PTPRN2: variants seen among roughly 807,000 people sequenced by gnomAD.
PTPRN2 encodes receptor-type tyrosine-protein phosphatase N2.
Under a neutral mutation model 118.8 loss-of-function variants are expected in PTPRN2, and 74 were observed. That is an observed-to-expected ratio of 0.62 (90% CI 0.52 to 0.76). The LOEUF (loss-of-function observed/expected upper bound fraction) is 0.76. PTPRN2 is among the 30% of genes least tolerant of loss of function. The pLI is 0.00. For synonymous variants in PTPRN2, 641 were observed against 608.0 expected (o/e 1.05, Z -0.80); for missense variants, 1,481 against 1,394.4 (o/e 1.06, Z -0.99).
chr7:158,268,571 A>AGC (rs1798058775), intron 3 of PTPRN2, among the ~76,000 whole-genome samples: 1 of 135,834 alleles, frequency 7.4e-6, no homozygotes, highest in African/African-American at 2.9e-5. Context: ...TCCCAGCCGC[A>AGC]CGCACACAGG....
chr7:158,262,507 T>C (rs1797507603), intron 3 of PTPRN2, among the ~76,000 whole-genome samples: 1 of 25,026 alleles, frequency 4.0e-5, no homozygotes, highest in Non-Finnish European at 9.8e-5. Context: ...GCACACACAC[T>C]GCACACACAT....
At chr7:157,678,656 G>A (rs1005256243) in intron 13 of PTPRN2, among the ~76,000 whole-genome samples, 6 of 152,126 alleles carry the variant, frequency 3.9e-5, no homozygotes, top group South Asian at 2.1e-4. Flanking sequence ...GCACTTAGCC[G>A]CTGTGTTTAC....
At chr7:157,725,351 ACACAGAGGAG>A (rs1360763380) in intron 12 of PTPRN2, among the ~76,000 whole-genome samples, 1 of 50,770 alleles carries the variant, frequency 2.0e-5, no homozygotes, top group African/African-American at 9.4e-5. Context: ...GGATATCTAC[ACACAGAGGAG>A]TGTGGCCAGA....
At chr7:158,392,869 C>G (rs4909206) in intron 2 of PTPRN2, among the ~76,000 whole-genome samples, 114,614 of 152,104 alleles carry the variant, frequency 0.75, 43,309 homozygotes, top group South Asian at 0.86. Flanking sequence ...GGCAGCCCCT[C>G]TCGGTAGAAT....
chr7:157,653,677 C>T (rs577910730), intron 14 of PTPRN2, among the ~76,000 whole-genome samples: 44 of 152,182 alleles, frequency 2.9e-4, no homozygotes, highest in Admixed American at 1.9e-3. Context: ...TGAGAGGGCA[C>T]GGGAATGCAC....
chr7:158,138,648 A>G, intron 6 of PTPRN2, 133 bp from the exon 7 acceptor site: 1 of 729,140 alleles, frequency 1.4e-6, no homozygotes, highest in South Asian at 1.8e-5. Flanking sequence ...GGCGCAGGCC[A>G]GTGCTCAGAG....
At chr7:157,835,224 G>A (rs572475126) in intron 12 of PTPRN2, among the ~76,000 whole-genome samples, 3 of 152,202 alleles carry the variant, frequency 2.0e-5, no homozygotes, top group East Asian at 3.9e-4. Flanking sequence ...CCTTTCCAAC[G>A]AAGATGCAAG....
intron 12 of PTPRN2, among the ~76,000 whole-genome samples, chr7:157,867,266 C>T (rs1430331144): frequency 1.7e-4 from 5 of 29,984 alleles, no homozygotes; most frequent in African/African-American, 2.1e-4. Context: ...CCGTCCCTGA[C>T]GCCCTGGATA....
At chr7:157,783,866 T>C (rs1010580261) in intron 12 of PTPRN2, among the ~76,000 whole-genome samples, 2 of 152,242 alleles carry the variant, frequency 1.3e-5, no homozygotes, top group South Asian at 4.2e-4. Flanking sequence ...TGCCCTGTTT[T>C]CATTCAAGAA....
rs545328377 is a variant in PTPRN2, at chr7:157,840,374, CTG to C, written c.1788+58297_1788+58298del. 9.3e-4 allele frequency among the ~76,000 whole-genome samples: 124 copies of C among 133,976 alleles called. 1 individual carries two copies. The highest frequency in any genetic ancestry group is 3.5e-3 in the African/African-American group (118 of 33,436). 87.9% of individuals were successfully genotyped at this position (133,976 alleles called of 152,430 possible). On this transcript the variant is annotated intron_variant, in intron 12 of 22. Transcript: ENST00000389418. ...CGTGTGACTGTGTGGCCGCGTGTGA[CTG>C]TGTGACCGCGTGTGACTGTGTGACC... is the stretch of plus-strand genomic sequence containing the variant.
At chr7:158,006,390 C>G (rs745699794) in intron 11 of PTPRN2, among the ~76,000 whole-genome samples, 2 of 152,216 alleles carry the variant, frequency 1.3e-5, no homozygotes, top group Non-Finnish European at 2.9e-5. Context: ...GGCCCTGGAG[C>G]CTTCTTTTGG....
At chr7:158,072,312 C>T (rs1812005505) in intron 11 of PTPRN2, among the ~76,000 whole-genome samples, 1 of 152,130 alleles carries the variant, frequency 6.6e-6, no homozygotes, top group South Asian at 2.1e-4. Context: ...GATTACAGGG[C>T]CAGGGGACTC....
intron 11 of PTPRN2, among the ~76,000 whole-genome samples, chr7:157,966,763 C>T (rs1801967879): frequency 6.6e-6 from 1 of 151,724 alleles, no homozygotes; most frequent in South Asian, 2.1e-4. Context: ...CCATTATCAC[C>T]ATCACAATGA....
intron 10 of PTPRN2, among the ~76,000 whole-genome samples, chr7:158,096,206 G>A (rs749544724): frequency 3.9e-5 from 6 of 152,248 alleles, no homozygotes; most frequent in East Asian, 3.9e-4. Flanking sequence ...CCTCACAGCC[G>A]TATACATAAT....
Position 157,632,473 on chromosome 7 carries a change from A to G in PTPRN2, c.2197-10964T>C, listed in dbSNP as rs1804019841. On this transcript the variant is annotated intron_variant, in intron 14 of 22. Transcript: ENST00000389418. The surrounding 1 kb of genome is among the most constrained non-coding windows in gnomAD (Gnocchi z 4.3). ...TGTTCTAATTAATAAACTTAAAAAG[A>G]TAAGTAATTTTTTCCTTACCACCTA... is the stretch of plus-strand genomic sequence containing the variant. Among the ~76,000 whole-genome samples, 1 of 152,264 alleles carries G rather than the reference A, an allele frequency of 6.6e-6. No homozygotes were observed. Among genetic ancestry groups the G allele is most frequent in the African/African-American group, 2.4e-5 (1 of 41,470 alleles).
At chr7:157,817,110 G>A (rs1318033035) in intron 12 of PTPRN2, among the ~76,000 whole-genome samples, 4 of 152,300 alleles carry the variant, frequency 2.6e-5, no homozygotes, top group South Asian at 2.1e-4. Context: ...GCTGTGTTCC[G>A]GGGGCGCCGC....
chr7:158,399,861 G>C (rs1443959848), intron 2 of PTPRN2, among the ~76,000 whole-genome samples: 1 of 152,196 alleles, frequency 6.6e-6, no homozygotes, highest in Non-Finnish European at 1.5e-5. Flanking sequence ...CTCCTTGGCC[G>C]TCAGTTGGAG....
At chr7:157,832,019 G>A (rs1161602185) in intron 12 of PTPRN2, among the ~76,000 whole-genome samples, 2 of 152,136 alleles carry the variant, frequency 1.3e-5, no homozygotes, top group Non-Finnish European at 2.9e-5. Context: ...GGGTCCTCCC[G>A]GAGCACCTGG....
chr7:158,016,219 C>T (rs1030582290), intron 11 of PTPRN2, among the ~76,000 whole-genome samples: 1 of 152,188 alleles, frequency 6.6e-6, no homozygotes, highest in Non-Finnish European at 1.5e-5. Flanking sequence ...ATGGGCAGGG[C>T]TCGGGAGGTC....
Sources: allele counts gnomAD v4.1 joint callset (sites outside exome capture counted in the v4.1 genomes callset), GRCh38; gene constraint gnomAD v4.1.1; non-coding constraint Gnocchi (gnomAD v3.1); transcripts MANE v1.5; gene names NCBI Gene and HGNC (gene_info 2026-07-23, HGNC 2026-07-21).